CFAP20: variants seen among roughly 807,000 people sequenced by gnomAD.
CFAP20 encodes the protein cilia- and flagella-associated protein 20.
In CFAP20, 14 loss-of-function variants were observed where a neutral mutation model predicts 25.5. The observed-to-expected ratio is 0.55, with a 90% confidence interval of 0.36 to 0.86. CFAP20 has a LOEUF of 0.86. CFAP20 is among the 40% of genes least tolerant of loss of function. The pLI, the probability that CFAP20 is intolerant of heterozygous loss-of-function variation, is 0.01. For missense variants in CFAP20, 181 were observed against 248.0 expected (o/e 0.73, Z 1.81); for synonymous variants, 75 against 91.1 (o/e 0.82, Z 1.01).
chr16:58,129,196 ACAG>A lies in CFAP20; in HGVS notation c.-84_-82del. 1 of 1,471,092 alleles carries A rather than the reference ACAG, an allele frequency of 6.8e-7. No individual in the cohort carries two copies. Among genetic ancestry groups the A allele is most frequent in the South Asian group, 1.2e-5 (1 of 85,426 alleles). 91.1% of individuals were successfully genotyped at this position (1,471,092 alleles called of 1,614,324 possible). A position where few individuals can be genotyped will look rare whatever the true frequency, so the allele number is the denominator to read the frequency against. On this transcript the variant is annotated 5_prime_UTR_variant, in exon 1 of 6. Transcript: ENST00000262498. ...GATACAGGCACCGAGCGTCGAGGGC[ACAG>A]CAGCAGGCCGGCCCTGTTCCGAAGA...
Position 58,129,023 on chromosome 16 carries a change from T to C in CFAP20, c.84+9A>G, listed in dbSNP as rs768796116. 14 of 1,422,292 alleles carry C rather than the reference T, an allele frequency of 9.8e-6. No individual in the cohort carries two copies. The highest frequency in any genetic ancestry group is 1.5e-5 in the African/African-American group (1 of 66,510). 88.1% of individuals were successfully genotyped at this position (1,422,292 alleles called of 1,614,324 possible). ...CTCCACCCCGCCCCGTCGCCGCCCC[T>C]AGCCCGACCTTTTTGTCCCAGATTT... is the stretch of plus-strand genomic sequence containing the variant. On this transcript the variant is annotated intron_variant, in intron 1 of 5. Coordinates refer to ENST00000262498, the MANE Select transcript of CFAP20 (RefSeq NM_013242.3).
chr16:58,116,179 C>T (rs750431990), intron 2 of CFAP20, 27 bp from the exon 3 acceptor site: 1 of 1,497,058 alleles, frequency 6.7e-7, no homozygotes, highest in Non-Finnish European at 9.3e-7. Flanking sequence ...TACTAATAAA[C>T]ACACTCCTGG....
At chr16:58,127,854 T>C (rs1960638659) in intron 1 of CFAP20, among the ~76,000 whole-genome samples, 1 of 152,228 alleles carries the variant, frequency 6.6e-6, no homozygotes, top group Admixed American at 6.5e-5. Flanking sequence ...GGCAGAAAGC[T>C]GCTCATGTTC....
chr16:58,127,523 C>A (rs950706312), intron 1 of CFAP20, among the ~76,000 whole-genome samples: 8 of 152,234 alleles, frequency 5.3e-5, no homozygotes, highest in African/African-American at 1.9e-4. Context: ...AAGCCAACCT[C>A]CTTACGGAGT....
At chr16:58,116,785 T>G in intron 2 of CFAP20, 87 bp downstream of exon 2, 2 of 1,251,606 alleles carry the variant, frequency 1.6e-6, no homozygotes, top group Non-Finnish European at 2.3e-6. Flanking sequence ...TCCGGCACTC[T>G]GACTCCGCAG....
At chr16:58,115,994 C>G in intron 3 of CFAP20, 47 bp downstream of exon 3, 1 of 1,356,398 alleles carries the variant, frequency 7.4e-7, no homozygotes, top group Non-Finnish European at 1.1e-6. Context: ...CAAAGGCTAT[C>G]ACTTTGGTAT....
intron 1 of CFAP20, among the ~76,000 whole-genome samples, chr16:58,121,979 T>C (rs915525669): frequency 2.6e-5 from 4 of 152,258 alleles, no homozygotes; most frequent in Admixed American, 2.0e-4. Flanking sequence ...CATCCTAGCT[T>C]TAATGACACA....
chr16:58,129,088 A>T lies in CFAP20; in HGVS notation c.28T>A (p.Phe10Ile), dbSNP rs752396152. Reference sequence around the variant, plus strand: ...CCGATGCTGTAGAGGATGGAGAGGAAGCCGCTCTGGAACGTGTTTTTGAAC... The same window carrying T: ...CCGATGCTGTAGAGGATGGAGAGGATGCCGCTCTGGAACGTGTTTTTGAAC... Reference protein sequence around the residue: MFKNTFQSGFLSILYSIGSK... With the variant: MFKNTFQSGILSILYSIGSK... The change falls in exon 1 of 6, where the codon TTC (phenylalanine) becomes ATC (isoleucine). Residue 10 changes from phenylalanine to isoleucine, a missense_variant. Transcript: ENST00000262498. 2 of 1,613,902 alleles carry T rather than the reference A, an allele frequency of 1.2e-6. No individual in the cohort carries two copies. Among genetic ancestry groups the T allele is most frequent in the South Asian group, 2.2e-5 (2 of 91,064 alleles).
At chr16:58,115,066 G>A in intron 4 of CFAP20, 146 bp from the exon 5 acceptor site, 8 of 971,754 alleles carry the variant, frequency 8.2e-6, no homozygotes, top group Non-Finnish European at 1.2e-5. Flanking sequence ...CTGGCAAGAG[G>A]GAGGTCTTAC....
In CFAP20 at chr16:58,123,462, GGCGGGCGCCT is replaced by G. The variant is rs553741331; in HGVS notation, c.84+5560_84+5569del. 5.3e-3 allele frequency among the ~76,000 whole-genome samples: 790 copies of G among 149,382 alleles called. 1 individual carries two copies. Among genetic ancestry groups the G allele is most frequent in the Non-Finnish European group, 7.8e-3 (525 of 67,176 alleles). On this transcript the variant is annotated intron_variant, in intron 1 of 5. Transcript: ENST00000262498. The stretch of plus-strand genomic sequence containing the variant: ...ATGCAAAAAATTAGCTGGGCGTGGT[GGCGGGCGCCT>G]GTAGTCCCAGCTACTCCGGAGGCTG...
chr16:58,124,836 A>G (rs1447777450), intron 1 of CFAP20, among the ~76,000 whole-genome samples: 3 of 151,846 alleles, frequency 2.0e-5, no homozygotes, highest in Non-Finnish European at 2.9e-5. Flanking sequence ...TAGTGCTGGG[A>G]TTACAGGCAT....
At chr16:58,115,182 C>A (rs759544841) in intron 4 of CFAP20, 87 bp downstream of exon 4, 1 of 1,542,766 alleles carries the variant, frequency 6.5e-7, no homozygotes, top group Non-Finnish European at 8.9e-7. Flanking sequence ...GAAACCCACA[C>A]TGTTCTGCTA....
At chr16:58,118,580 A>C (rs1960489963) in intron 1 of CFAP20, among the ~76,000 whole-genome samples, 1 of 151,882 alleles carries the variant, frequency 6.6e-6, no homozygotes, top group African/African-American at 2.4e-5. Context: ...TTGTAATCCC[A>C]GCACTTTGGG....
chr16:58,129,002 A>ACCC, intron 1 of CFAP20, 30 bp downstream of exon 1: 2 of 1,467,432 alleles, frequency 1.4e-6, no homozygotes, highest in Non-Finnish European at 1.9e-6. Context: ...CAGCCCCTCC[A>ACCC]CCCCGCCCCG....
At position 58,129,320 on chromosome 16, in the gene CFAP20, C is replaced by G. The variant is rs1960678441; in HGVS notation, c.-205G>C. The G allele has an allele frequency of 3.5e-6, 2 of 566,418 alleles. No homozygotes were observed. The highest frequency in any genetic ancestry group is 6.3e-6 in the Non-Finnish European group (2 of 318,786). The allele number at this position is 566,418 out of a possible 1,614,324, so 35.1% of individuals were successfully genotyped here. ...TCCGCGATCTTCAGCTCCTAAGCTG[C>G]GAGCTCAGAACGGAAACCACAGCAA... On this transcript the variant is annotated 5_prime_UTR_variant, in exon 1 of 6. Coordinates refer to ENST00000262498, the MANE Select transcript of CFAP20 (RefSeq NM_013242.3).
At position 58,129,123 on chromosome 16, in the gene CFAP20, G is replaced by A. The variant is rs1368696708; in HGVS notation, c.-8C>T. On this transcript the variant is annotated 5_prime_UTR_variant, in exon 1 of 6. Coordinates refer to ENST00000262498, the MANE Select transcript of CFAP20 (RefSeq NM_013242.3). ...GAACGTGTTTTTGAACATCTCGCCG[G>A]CGGCCTTCTCCTAAGCCGCCCCCGG... The A allele has an allele frequency of 6.2e-7, 1 of 1,613,366 alleles. No individual in the cohort carries two copies. Among genetic ancestry groups the A allele is most frequent in the Non-Finnish European group, 8.5e-7 (1 of 1,179,884 alleles).
chr16:58,115,354 T>A lies in CFAP20; in HGVS notation c.380A>T (p.Asp127Val). The A allele has an allele frequency of 6.2e-7, 1 of 1,614,192 alleles. No homozygotes were observed. The highest frequency in any genetic ancestry group is 8.5e-7 in the Non-Finnish European group (1 of 1,180,024). The change falls in exon 4 of 6, where the codon GAC becomes GTC. Residue 127 changes from aspartate to valine, a missense_variant. By Grantham distance (152) the Asp-to-Val change is radical. Coordinates refer to ENST00000262498, the MANE Select transcript of CFAP20 (RefSeq NM_013242.3). Reference sequence around the variant, plus strand: ...GTTGAACTGAATCTGGTTCCAGCCGTCATCCAGCCGCATGGGCATGGTGCA... The same window carrying A: ...GTTGAACTGAATCTGGTTCCAGCCGACATCCAGCCGCATGGGCATGGTGCA... ...FICTMPMRLD[D>V]GWNQIQFNLL...
chr16:58,122,989 TAG>T (rs890958469), intron 1 of CFAP20, among the ~76,000 whole-genome samples: 15 of 152,076 alleles, frequency 9.9e-5, no homozygotes, highest in African/African-American at 2.9e-4. Context: ...CATGTACTTT[TAG>T]GATACTATCT....
At position 58,129,333 on chromosome 16, in the gene CFAP20, G is replaced by C. The variant is rs956047861; in HGVS notation, c.-218C>G. Reference sequence around the variant, plus strand: ...GCTCCTAAGCTGCGAGCTCAGAACGGAAACCACAGCAACTACCGTCCGCGC... The same window carrying C: ...GCTCCTAAGCTGCGAGCTCAGAACGCAAACCACAGCAACTACCGTCCGCGC... On this transcript the variant is annotated 5_prime_UTR_variant, in exon 1 of 6. Transcript: ENST00000262498. 3.1e-5 allele frequency: 17 copies of C among 548,166 alleles called. No homozygotes were observed. Among genetic ancestry groups the C allele is most frequent in the African/African-American group, 2.8e-4 (15 of 52,720 alleles). The allele number at this position is 548,166 out of a possible 1,614,324, so 34.0% of individuals were successfully genotyped here.
Sources: allele counts gnomAD v4.1 joint callset (sites outside exome capture counted in the v4.1 genomes callset), GRCh38; gene constraint gnomAD v4.1.1; transcripts MANE v1.5; gene names NCBI Gene and HGNC (gene_info 2026-07-23, HGNC 2026-07-21).